CEMIP: variants seen among roughly 807,000 people sequenced by gnomAD.
CEMIP encodes the protein cell migration-inducing and hyaluronan-binding protein.
In CEMIP, 105 loss-of-function variants were observed where a neutral mutation model predicts 156.9. The ratio of observed to expected loss-of-function variants is 0.67; its 90% CI spans 0.57 to 0.79. CEMIP has a LOEUF of 0.79. Ranked by LOEUF, CEMIP falls within the 30% of genes least tolerant of loss-of-function variation. The pLI, the probability that CEMIP is intolerant of heterozygous loss-of-function variation, is 0.00. For missense variants in CEMIP, 1,457 were observed against 1,769.4 expected, an observed-to-expected ratio of 0.82 and a Z score of 3.17; for synonymous variants, 676 against 668.4, an observed-to-expected ratio of 1.01 and a Z score of -0.17.
intron 1 of CEMIP, chr15:80,842,010 G>A (rs1252455730): frequency 4.3e-6 from 2 of 465,070 alleles, no homozygotes; most frequent in Middle Eastern, 7.1e-4. Flanking sequence ...ATCCATAGTT[G>A]TCACTGATTT....
At chr15:80,782,032 A>C (rs988814630) in intron 1 of CEMIP, among the ~76,000 whole-genome samples, 10 of 152,196 alleles carry the variant, frequency 6.6e-5, no homozygotes, top group Non-Finnish European at 2.9e-5. Context: ...ATGAAAAAAA[A>C]ATTCTTATTT....
At chr15:80,846,129 A>G (rs531315817) in intron 1 of CEMIP, among the ~76,000 whole-genome samples, 19 of 152,114 alleles carry the variant, frequency 1.2e-4, no homozygotes, top group African/African-American at 4.6e-4. Flanking sequence ...GGAAGGGGAG[A>G]CACTTGGGAA....
intron 1 of CEMIP, among the ~76,000 whole-genome samples, chr15:80,855,430 G>T (rs1451997799): frequency 1.3e-5 from 2 of 152,154 alleles, no homozygotes; most frequent in African/African-American, 2.4e-5. Flanking sequence ...ATCTTGTTGG[G>T]TTGGAGAAGG....
chr15:80,872,763 C>T (rs867393716), intron 1 of CEMIP, among the ~76,000 whole-genome samples: 19 of 151,820 alleles, frequency 1.3e-4, no homozygotes, highest in African/African-American at 4.6e-4. Flanking sequence ...TGCAGTGAGC[C>T]GAGCTCCCGC....
intron 1 of CEMIP, among the ~76,000 whole-genome samples, chr15:80,784,727 G>A (rs762242047): frequency 5.3e-5 from 8 of 152,174 alleles, no homozygotes; most frequent in Non-Finnish European, 1.2e-4. Context: ...ACTCACAGGG[G>A]CACGTGTTAA....
intron 23 of CEMIP, among the ~76,000 whole-genome samples, chr15:80,936,145 C>A (rs759091060): frequency 6.6e-6 from 1 of 152,198 alleles, no homozygotes; most frequent in African/African-American, 2.4e-5. Context: ...AATGAGGCAC[C>A]ATTTATTCAT....
intron 1 of CEMIP, among the ~76,000 whole-genome samples, chr15:80,848,844 A>C (rs987429571): frequency 2.0e-5 from 3 of 147,510 alleles, no homozygotes; most frequent in African/African-American, 7.7e-5. Context: ...GCACTCCCAG[A>C]ACTCAGGCCT....
rs1159176467 is a variant in CEMIP at position 80,936,800 on chromosome 15, G to A, written c.3136G>A (p.Val1046Ile). ...CACCCATTACCAGCAATACCAACCG[G>A]TTGTCACCCTGCAGAAGGGCTACAC... ...RSTHYQQYQPVVTLQKGYTIH... is the reference protein window; with the variant it reads ...RSTHYQQYQPIVTLQKGYTIH... The change falls in exon 24 of 30, where the codon GTT becomes ATT. Residue 1046 changes from valine to isoleucine, a missense_variant. Coordinates refer to ENST00000394685, the MANE Select transcript of CEMIP (RefSeq NM_001293298.2). 2 of 1,614,034 alleles carry A rather than the reference G, an allele frequency of 1.2e-6. No homozygotes were observed. Among genetic ancestry groups the A allele is most frequent in the Non-Finnish European group, 1.7e-6 (2 of 1,180,054 alleles).
intron 1 of CEMIP, among the ~76,000 whole-genome samples, chr15:80,788,649 G>A (rs1896005842): frequency 6.6e-6 from 1 of 152,122 alleles, no homozygotes. Flanking sequence ...CAAACATAGT[G>A]GCTAAGTACT....
chr15:80,948,981 C>A lies in CEMIP; in HGVS notation c.*57C>A. On this transcript the variant is annotated 3_prime_UTR_variant, in exon 30 of 30. Coordinates refer to ENST00000394685, the MANE Select transcript of CEMIP (RefSeq NM_001293298.2). ...AGACTATGACGGTGACTCTTGGCAG[C>A]AGACCAGTGGGGGATGGCTGGGTCC... The A allele has an allele frequency of 6.2e-7, 1 of 1,610,218 alleles. No homozygotes were observed. The highest frequency in any genetic ancestry group is 2.2e-5 in the East Asian group (1 of 44,810).
intron 1 of CEMIP, among the ~76,000 whole-genome samples, chr15:80,813,082 T>C (rs1352191569): frequency 6.6e-6 from 1 of 152,224 alleles, no homozygotes; most frequent in Admixed American, 6.5e-5. Flanking sequence ...GCATTTGTTT[T>C]TGTCAATAAA....
intron 1 of CEMIP, among the ~76,000 whole-genome samples, chr15:80,796,717 T>A (rs1293303694): frequency 6.6e-6 from 1 of 152,020 alleles, no homozygotes; most frequent in Non-Finnish European, 1.5e-5. Context: ...AATCAACCAC[T>A]CTACACCAGA....
intron 14 of CEMIP, among the ~76,000 whole-genome samples, chr15:80,913,248 G>C (rs1280558061): frequency 1.3e-5 from 2 of 152,156 alleles, no homozygotes; most frequent in African/African-American, 4.8e-5. Context: ...TCTTGGGAAG[G>C]GTGGTCTGAA....
intron 1 of CEMIP, among the ~76,000 whole-genome samples, chr15:80,863,635 T>G (rs182553253): frequency 1.5e-3 from 224 of 152,332 alleles, no homozygotes; most frequent in South Asian, 0.01. Context: ...ATTATGCATT[T>G]CAAAAGCTTG....
chr15:80,831,943 CA>C, intron 1 of CEMIP, among the ~76,000 whole-genome samples: 1 of 152,172 alleles, frequency 6.6e-6, no homozygotes, highest in East Asian at 1.9e-4. Context: ...GGTGGGTTTC[CA>C]AAAGGAGTGA....
intron 1 of CEMIP, among the ~76,000 whole-genome samples, chr15:80,838,295 C>CA (rs1158217477): frequency 6.6e-6 from 1 of 152,150 alleles, no homozygotes; most frequent in Non-Finnish European, 1.5e-5. Context: ...TCCTTCCTGG[C>CA]AGGGACCCTG....
chr15:80,793,753 G>A (rs974901604), intron 1 of CEMIP, among the ~76,000 whole-genome samples: 3 of 152,158 alleles, frequency 2.0e-5, no homozygotes, highest in Admixed American at 6.5e-5. Flanking sequence ...TCTCCCAGAC[G>A]TGTTGGTCTA....
At chr15:80,802,559 A>C (rs1596099554) in intron 1 of CEMIP, among the ~76,000 whole-genome samples, 1 of 152,348 alleles carries the variant, frequency 6.6e-6, no homozygotes, top group East Asian at 1.9e-4. Context: ...CGCTTTTAAA[A>C]TAATGACCAT....
At chr15:80,917,213 A>G (rs1184294509) in intron 14 of CEMIP, among the ~76,000 whole-genome samples, 3 of 152,102 alleles carry the variant, frequency 2.0e-5, no homozygotes, top group African/African-American at 7.2e-5. Context: ...GTTTACTCCT[A>G]TTCAGAGAAA....
Sources: gnomAD v4.1 joint callset for allele counts (sites outside exome capture counted in the v4.1 genomes callset) on GRCh38, gnomAD v4.1.1 for gene constraint, MANE v1.5 for transcripts, NCBI Gene and HGNC (gene_info 2026-07-23, HGNC 2026-07-21) for gene names.